Variants in CTDSPL observed in about 807,000 individuals in gnomAD.
CTDSPL encodes the protein CTD small phosphatase like.
Under a neutral mutation model 30.5 loss-of-function variants are expected in CTDSPL, and 8 were observed. The observed-to-expected ratio is 0.26, with a 90% CI of 0.15 to 0.47. The LOEUF (loss-of-function observed/expected upper bound fraction) is 0.47, where lower values mean the gene tolerates loss of function less well. Ranked by LOEUF, CTDSPL falls within the 20% of genes least tolerant of loss-of-function variation. The pLI is 0.99. For missense variants in CTDSPL, 248 were observed against 366.1 expected, an observed-to-expected ratio of 0.68 and a Z score of 2.63; for synonymous variants, 110 against 137.9, an observed-to-expected ratio of 0.80 and a Z score of 1.42.
intron 1 of CTDSPL, among the ~76,000 whole-genome samples, chr3:37,866,318 G>A (rs1451615228): frequency 6.6e-6 from 1 of 151,338 alleles, no homozygotes; most frequent in Non-Finnish European, 1.5e-5. Flanking sequence ...TCCTACCTTT[G>A]TAAAAAAAAA....
intron 1 of CTDSPL, among the ~76,000 whole-genome samples, chr3:37,888,813 C>CT: frequency 6.6e-6 from 1 of 152,282 alleles, no homozygotes; most frequent in Non-Finnish European, 1.5e-5. Flanking sequence ...GATGCTGTAG[C>CT]TGGGGGCCTT....
At chr3:37,908,521 A>G (rs1186326481) in intron 1 of CTDSPL, among the ~76,000 whole-genome samples, 1 of 152,192 alleles carries the variant, frequency 6.6e-6, no homozygotes, top group African/African-American at 2.4e-5. Flanking sequence ...AACATTTATT[A>G]GCCATTCCCT....
chr3:37,906,086 C>T (rs1698511893), intron 1 of CTDSPL, among the ~76,000 whole-genome samples: 1 of 152,172 alleles, frequency 6.6e-6, no homozygotes, highest in Non-Finnish European at 1.5e-5. Context: ...TTCTGTTTGC[C>T]CTCCACATCT....
chr3:37,978,532 TAAAC>T (rs1208348091), intron 7 of CTDSPL, among the ~76,000 whole-genome samples: 1 of 152,218 alleles, frequency 6.6e-6, no homozygotes, highest in Non-Finnish European at 1.5e-5. Context: ...GGACACTAAA[TAAAC>T]TGTGTATCAT....
chr3:37,862,618 T>A lies in CTDSPL; in HGVS notation c.79+340T>A, dbSNP rs1038160498. Among the ~76,000 whole-genome samples, 2 of 152,214 alleles carry A rather than the reference T, an allele frequency of 1.3e-5. No homozygotes were observed. Among genetic ancestry groups the A allele is most frequent in the African/African-American group, 2.4e-5 (1 of 41,456 alleles). On this transcript the variant is annotated intron_variant, in intron 1 of 7. Transcript: ENST00000273179. This position sits in a 1 kb window ranked among gnomAD's most constrained non-coding sequence, Gnocchi z 4.3. ...AAGTGTGTGCACTTGTATGTGTGTG[T>A]GCACACGCGGACAGAGTGATTGTAA...
At chr3:37,869,835 G>T (rs530183503) in intron 1 of CTDSPL, among the ~76,000 whole-genome samples, 93 of 152,128 alleles carry the variant, frequency 6.1e-4, no homozygotes, top group African/African-American at 2.1e-3. Context: ...GTTAACTTTT[G>T]TCTTATGCTT....
Position 37,880,518 on chromosome 3 carries a change from CGTTATTTTGTT to C in CTDSPL, c.79+18244_79+18254del, listed in dbSNP as rs556876099. Among the ~76,000 whole-genome samples, 756 of 152,228 alleles carry C rather than the reference CGTTATTTTGTT, an allele frequency of 5.0e-3. 4 individuals carry two copies. Among genetic ancestry groups the C allele is most frequent in the Non-Finnish European group, 8.7e-3 (589 of 68,014 alleles). ...ACAGTCCACATTTCCTTATAATGCA[CGTTATTTTGTT>C]GTTTATAGAACAAATTCTGTTTCCT... On this transcript the variant is annotated intron_variant, in intron 1 of 7. Coordinates refer to ENST00000273179, the MANE Select transcript of CTDSPL (RefSeq NM_001008392.2).
Position 37,975,004 on chromosome 3 carries a change from A to G in CTDSPL, c.520-705A>G, listed in dbSNP as rs902064146. 2.5e-4 allele frequency among the ~76,000 whole-genome samples: 38 copies of G among 152,352 alleles called. No individual in the cohort carries two copies. Among genetic ancestry groups the G allele is most frequent in the African/African-American group, 8.9e-4 (37 of 41,582 alleles). ...GAGAGAGGAAATCAAGCAATCCCAC[A>G]TAGTACTCCACTCTGTGAGGGAAAC... On this transcript the variant is annotated intron_variant, in intron 6 of 7. Transcript: ENST00000273179. This position sits in a 1 kb window ranked among gnomAD's most constrained non-coding sequence, Gnocchi z 4.9.
rs11719474 is a variant in CTDSPL, at chr3:37,973,047, C to T, written c.519+1548C>T. On this transcript the variant is annotated intron_variant, in intron 6 of 7. Transcript: ENST00000273179. ...GTCCATCTCTGTGATGATTGAGGGG[C>T]GGGAGAGCCCCACTTGCACAAATGC... Among the ~76,000 whole-genome samples the T allele has an allele frequency of 7.1e-3, 1,087 of 152,266 alleles. 9 individuals carry two copies. Among genetic ancestry groups the T allele is most frequent in the Non-Finnish European group, 9.7e-3 (663 of 68,018 alleles).
intron 5 of CTDSPL, chr3:37,969,404 G>A (rs759930626): frequency 1.1e-5 from 6 of 528,956 alleles, no homozygotes; most frequent in Non-Finnish European, 2.3e-5. Context: ...GGCGAAGGCC[G>A]TGGCCTCGTT....
intron 1 of CTDSPL, among the ~76,000 whole-genome samples, chr3:37,890,176 T>C (rs994699130): frequency 1.3e-5 from 2 of 152,172 alleles, no homozygotes; most frequent in Non-Finnish European, 2.9e-5. Context: ...TGCGGATGCA[T>C]GCACACTCAA....
chr3:37,953,778 C>G (rs576724121), intron 2 of CTDSPL, among the ~76,000 whole-genome samples: 2 of 152,122 alleles, frequency 1.3e-5, no homozygotes, highest in East Asian at 3.9e-4. Flanking sequence ...AAACTATACA[C>G]GATAAAAAGC....
At chr3:37,917,131 A>G (rs1282594055) in intron 1 of CTDSPL, among the ~76,000 whole-genome samples, 1 of 152,240 alleles carries the variant, frequency 6.6e-6, no homozygotes, top group Non-Finnish European at 1.5e-5. Flanking sequence ...TCGTCTGTTC[A>G]TTCATTTGTT....
intron 1 of CTDSPL, among the ~76,000 whole-genome samples, chr3:37,945,656 A>C (rs964074617): frequency 2.6e-5 from 4 of 152,214 alleles, no homozygotes; most frequent in Non-Finnish European, 4.4e-5. Context: ...TATGACAGGC[A>C]CCCAAGGATC....
intron 1 of CTDSPL, among the ~76,000 whole-genome samples, chr3:37,863,941 G>T (rs1697977313): frequency 6.6e-6 from 1 of 152,204 alleles, no homozygotes; most frequent in South Asian, 2.1e-4. Context: ...AAAAAATTCT[G>T]CAAGAGAGTG....
Position 37,984,004 on chromosome 3 carries a change from C to A in CTDSPL, c.*3137C>A. 1 of 252,940 alleles carries A rather than the reference C, an allele frequency of 4.0e-6. No individual in the cohort carries two copies. The highest frequency in any genetic ancestry group is 4.3e-5 in the South Asian group (1 of 23,424). 15.7% of individuals were successfully genotyped at this position (252,940 alleles called of 1,614,324 possible). On this transcript the variant is annotated 3_prime_UTR_variant, in exon 8 of 8. Transcript: ENST00000273179. ...AAGTCTGTAACCTGGCAACATTTTA[C>A]AACCCTGTATTTTTAAAGATGGCTT... is the stretch of plus-strand genomic sequence containing the variant.
intron 6 of CTDSPL, among the ~76,000 whole-genome samples, chr3:37,972,773 G>A (rs1456483468): frequency 6.6e-6 from 1 of 152,198 alleles, no homozygotes; most frequent in East Asian, 1.9e-4. Context: ...CCCAAACTCT[G>A]ACTCTGATGG....
intron 1 of CTDSPL, among the ~76,000 whole-genome samples, chr3:37,905,990 T>G (rs1698510685): frequency 6.6e-6 from 1 of 152,152 alleles, no homozygotes. Flanking sequence ...GCCCATTGAT[T>G]TTTCTGGGCC....
chr3:37,887,172 A>C (rs1254556642), intron 1 of CTDSPL, among the ~76,000 whole-genome samples: 3 of 152,060 alleles, frequency 2.0e-5, no homozygotes, highest in Admixed American at 2.0e-4. Flanking sequence ...GTTATTTTTC[A>C]AAGTACTCTT....
Sources: gnomAD v4.1 joint callset for allele counts (sites outside exome capture counted in the v4.1 genomes callset) on GRCh38, gnomAD v4.1.1 for gene constraint, Gnocchi (gnomAD v3.1) non-coding constraint, MANE v1.5 for transcripts, NCBI Gene and HGNC (gene_info 2026-07-23, HGNC 2026-07-21) for gene names.